Variants in GFRA1 observed in about 807,000 individuals in gnomAD.
The protein encoded by GFRA1 is GDNF family receptor alpha 1, also known as GDNF family receptor alpha-1.
GFRA1 carries 16 observed loss-of-function variants against 51.6 expected under a neutral mutation model. That is an observed-to-expected ratio of 0.31 (90% CI 0.21 to 0.47). The LOEUF (loss-of-function observed/expected upper bound fraction) is 0.47. GFRA1 is among the 20% of genes least tolerant of loss of function. The probability of loss-of-function intolerance (pLI) is 1.00; values close to 1 mark genes in which losing one functional copy is unlikely to be tolerated. For missense variants in GFRA1, 530 were observed against 594.3 expected, an observed-to-expected ratio of 0.89 and a Z score of 1.13; for synonymous variants, 270 against 241.3, an observed-to-expected ratio of 1.12 and a Z score of -1.10.
chr10:116,148,643 A>T (rs74160637), intron 5 of GFRA1, among the ~76,000 whole-genome samples: 2,809 of 152,268 alleles, frequency 0.018, 85 homozygotes, highest in African/African-American at 0.063. Flanking sequence ...TCCCACGCTC[A>T]AAAGATTGTT....
intron 5 of GFRA1, among the ~76,000 whole-genome samples, chr10:116,209,064 C>T (rs938789298): frequency 6.6e-6 from 1 of 152,154 alleles, no homozygotes; most frequent in African/African-American, 2.4e-5. Flanking sequence ...CCCACCGGTC[C>T]TTAACTGTCC....
At chr10:116,100,752 G>A (rs925845330) in intron 6 of GFRA1, among the ~76,000 whole-genome samples, 1 of 152,320 alleles carries the variant, frequency 6.6e-6, no homozygotes, top group Admixed American at 6.5e-5. Context: ...GGAAGAGCAA[G>A]AAATTTGCCA....
Position 116,203,850 on chromosome 10 carries a change from C to T in GFRA1, c.433+7781G>A, listed in dbSNP as rs1460326787. ...ATTGTAAACAGTTCTGTTGTTTTGT[C>T]GCTGGCTTGCCTACGCTATGGGAAA... On this transcript the variant is annotated intron_variant, in intron 5 of 10. Transcript: ENST00000355422. Among the ~76,000 whole-genome samples, 7 of 152,190 alleles carry T rather than the reference C, an allele frequency of 4.6e-5. No individual in the cohort carries two copies. The East Asian group carries it at 1.2e-3, about 25-fold the overall frequency.
intron 6 of GFRA1, among the ~76,000 whole-genome samples, chr10:116,097,889 C>G (rs556830832): frequency 1.3e-5 from 2 of 152,160 alleles, no homozygotes; most frequent in African/African-American, 4.8e-5. Flanking sequence ...GGAACCAAGA[C>G]GGATAGGATG....
intron 5 of GFRA1, among the ~76,000 whole-genome samples, chr10:116,198,133 A>G (rs894765326): frequency 6.6e-6 from 1 of 152,182 alleles, no homozygotes; most frequent in Non-Finnish European, 1.5e-5. Context: ...GGAAGCCCCA[A>G]ACCACAGCAG....
intron 4 of GFRA1, among the ~76,000 whole-genome samples, chr10:116,228,890 A>C (rs1363477749): frequency 6.9e-6 from 1 of 145,930 alleles, no homozygotes; most frequent in African/African-American, 2.5e-5. Context: ...GCTGAGGCAG[A>C]GAATTGCTTG....
chr10:116,199,977 C>T (rs376514275), intron 5 of GFRA1, among the ~76,000 whole-genome samples: 18 of 152,304 alleles, frequency 1.2e-4, no homozygotes, highest in African/African-American at 4.3e-4. Flanking sequence ...TAGAATGTTG[C>T]CCTCTTTTGC....
chr10:116,095,498 T>C (rs1304010960), intron 7 of GFRA1, among the ~76,000 whole-genome samples: 2 of 152,162 alleles, frequency 1.3e-5, no homozygotes, highest in Non-Finnish European at 2.9e-5. Flanking sequence ...AGAGAGTGAA[T>C]GCAAGTTTGG....
intron 5 of GFRA1, among the ~76,000 whole-genome samples, chr10:116,190,161 C>G (rs1247799594): frequency 6.6e-6 from 1 of 152,210 alleles, no homozygotes; most frequent in East Asian, 1.9e-4. Context: ...AACACATTGA[C>G]TGTACTTCTC....
In GFRA1 at chr10:116,089,797, C is replaced by G; in HGVS notation, c.1141G>C (p.Ala381Pro). The G allele has an allele frequency of 1.2e-6, 2 of 1,614,090 alleles. No homozygotes were observed. The highest frequency in any genetic ancestry group is 1.7e-6 in the Non-Finnish European group (2 of 1,179,942). The part of the protein sequence containing the change: ...LRVKNKPLGP[A>P]GSENEIPTHV... ...GTGGGAATTTCATTCTCAGACCCTG[C>G]TGGCCCCAGGGGCTTGTTCTTAACC... is the stretch of plus-strand genomic sequence containing the variant. The change falls in exon 9 of 11, where the codon GCA becomes CCA. Residue 381 changes from alanine to proline, a missense_variant. Physicochemically the swap from Ala to Pro is conservative, Grantham distance 27 (BLOSUM62 -1). Coordinates refer to ENST00000355422, the MANE Select transcript of GFRA1 (RefSeq NM_005264.8).
intron 4 of GFRA1, among the ~76,000 whole-genome samples, chr10:116,242,518 G>C (rs1425095664): frequency 6.6e-6 from 1 of 150,776 alleles, no homozygotes; most frequent in Non-Finnish European, 1.5e-5. Flanking sequence ...ATCGTGATGT[G>C]TCGCCCAGGC....
At chr10:116,086,801 G>A (rs1282214461) in intron 9 of GFRA1, among the ~76,000 whole-genome samples, 2 of 152,028 alleles carry the variant, frequency 1.3e-5, no homozygotes, top group East Asian at 1.9e-4. Flanking sequence ...AGAGATAAAC[G>A]TCATGCTTTA....
intron 6 of GFRA1, among the ~76,000 whole-genome samples, chr10:116,111,587 G>A (rs1386899885): frequency 1.1e-4 from 16 of 152,082 alleles, no homozygotes; most frequent in African/African-American, 1.4e-4. Flanking sequence ...CCTCTCCTGT[G>A]TCCTCCCCTA....
intron 8 of GFRA1, 134 bp from the exon 9 acceptor site, chr10:116,090,056 C>T (rs1589778612): frequency 1.2e-6 from 1 of 832,374 alleles, no homozygotes; most frequent in South Asian, 1.5e-5. Context: ...CGCATCCATC[C>T]ATTTGCCCTA....
chr10:116,078,113 T>C (rs889098319), intron 9 of GFRA1, among the ~76,000 whole-genome samples: 1 of 152,076 alleles, frequency 6.6e-6, no homozygotes, highest in Non-Finnish European at 1.5e-5. Context: ...CTATTTTTTG[T>C]ACCAGTTAGT....
intron 6 of GFRA1, 134 bp downstream of exon 6, chr10:116,125,087 T>TA (rs1380886437): frequency 1.2e-5 from 9 of 776,720 alleles, no homozygotes; most frequent in Non-Finnish European, 2.0e-5. Flanking sequence ...TTTTTGCCAA[T>TA]CCATTCAAAT....
intron 4 of GFRA1, among the ~76,000 whole-genome samples, chr10:116,244,749 T>C (rs1021124836): frequency 6.6e-6 from 1 of 151,940 alleles, no homozygotes; most frequent in Non-Finnish European, 1.5e-5. Flanking sequence ...CTTTGTCTGA[T>C]AGAAGTTCAA....
At chr10:116,212,474 C>T (rs11197585) in intron 4 of GFRA1, among the ~76,000 whole-genome samples, 50,538 of 151,002 alleles carry the variant, frequency 0.33, 8,809 homozygotes, top group African/African-American at 0.42. Flanking sequence ...AAGCCGAGAT[C>T]GCTCCATTGC....
intron 4 of GFRA1, among the ~76,000 whole-genome samples, chr10:116,247,505 T>C (rs1967964073): frequency 6.6e-6 from 1 of 152,222 alleles, no homozygotes; most frequent in Admixed American, 6.5e-5. Flanking sequence ...TAAGGCCCTG[T>C]GGCCATGTGC....
Sources: allele counts gnomAD v4.1 joint callset (sites outside exome capture counted in the v4.1 genomes callset), GRCh38; gene constraint gnomAD v4.1.1; transcripts MANE v1.5; gene names NCBI Gene and HGNC (gene_info 2026-07-23, HGNC 2026-07-21).